AUTS2: variants seen among roughly 807,000 people sequenced by gnomAD.
AUTS2 encodes the protein activator of transcription and developmental regulator AUTS2, also known as autism susceptibility gene 2 protein.
Under a neutral mutation model 112.4 loss-of-function variants are expected in AUTS2, and 17 were observed. That is an observed-to-expected ratio of 0.15 (90% CI 0.10 to 0.23). The LOEUF is 0.23. Among genes scored for constraint, AUTS2 ranks in the 10% least tolerant of loss-of-function variants. The pLI, the probability that AUTS2 is intolerant of heterozygous loss-of-function variation, is 1.00. For missense variants in AUTS2, 1,510 were observed against 1,701.6 expected (o/e 0.89, Z 1.98); for synonymous variants, 751 against 702.7 (o/e 1.07, Z -1.09).
chr7:69,983,391 T>G (rs952753540), intron 2 of AUTS2, among the ~76,000 whole-genome samples: 2 of 152,120 alleles, frequency 1.3e-5, no homozygotes, highest in Non-Finnish European at 2.9e-5. Context: ...AATGTATATA[T>G]GTAGCTCTTT....
rs1275536794 is a variant in AUTS2, at chr7:70,709,292, C to G, written c.742+10672C>G. ...GGGAAGCCCCATGCCCAAGCCTGAG[C>G]AAGACTATTTGTAAAGTTGAGCAGA... On this transcript the variant is annotated intron_variant, in intron 6 of 18. Transcript: ENST00000342771. 2.6e-5 allele frequency among the ~76,000 whole-genome samples: 4 copies of G among 152,280 alleles called. No homozygotes were observed. The East Asian group carries it at 7.7e-4, about 29-fold the overall frequency.
chr7:69,631,113 G>A (rs1174307109), intron 1 of AUTS2, among the ~76,000 whole-genome samples: 2 of 152,074 alleles, frequency 1.3e-5, no homozygotes, highest in East Asian at 1.9e-4. Flanking sequence ...TTAACTTTGG[G>A]TTGAGTGTTA....
At chr7:70,543,768 T>C (rs1337685189) in intron 5 of AUTS2, among the ~76,000 whole-genome samples, 1 of 152,126 alleles carries the variant, frequency 6.6e-6, no homozygotes, top group Non-Finnish European at 1.5e-5. Context: ...GAATTAAAAA[T>C]AGGCAAAGGT....
chr7:70,703,172 C>T (rs1447158137), intron 6 of AUTS2, among the ~76,000 whole-genome samples: 4 of 152,040 alleles, frequency 2.6e-5, no homozygotes, highest in African/African-American at 9.7e-5. Context: ...GTTATATTAC[C>T]ATCAAGGTCA....
At chr7:70,358,901 T>A (rs1792129502) in intron 4 of AUTS2, among the ~76,000 whole-genome samples, 1 of 152,252 alleles carries the variant, frequency 6.6e-6, no homozygotes, top group African/African-American at 2.4e-5. Flanking sequence ...GCTAAATGGA[T>A]GAGCTAGTTA....
intron 2 of AUTS2, among the ~76,000 whole-genome samples, chr7:70,082,192 G>A (rs1584691932): frequency 1.3e-5 from 2 of 152,182 alleles, no homozygotes; most frequent in Non-Finnish European, 2.9e-5. Flanking sequence ...GAAATAAAAT[G>A]ACTTTTCAAT....
At chr7:70,423,777 G>C (rs996830235) in intron 4 of AUTS2, among the ~76,000 whole-genome samples, 1 of 152,076 alleles carries the variant, frequency 6.6e-6, no homozygotes, top group Non-Finnish European at 1.5e-5. Flanking sequence ...GAGAGGGAAT[G>C]ATGGTTTCTG....
intron 2 of AUTS2, among the ~76,000 whole-genome samples, chr7:69,961,456 A>T (rs1383329927): frequency 6.6e-6 from 1 of 152,164 alleles, no homozygotes; most frequent in Admixed American, 6.6e-5. Flanking sequence ...TATTCTTAGG[A>T]ACCTTTTAGG....
intron 5 of AUTS2, among the ~76,000 whole-genome samples, chr7:70,560,447 T>A (rs992851008): frequency 6.6e-6 from 1 of 152,206 alleles, no homozygotes; most frequent in African/African-American, 2.4e-5. Context: ...ATCAATTGAA[T>A]GAATGAAGGA....
intron 4 of AUTS2, among the ~76,000 whole-genome samples, chr7:70,410,282 C>T (rs1794715502): frequency 6.6e-6 from 1 of 152,162 alleles, no homozygotes; most frequent in Admixed American, 6.6e-5. Context: ...TGCTCTACCT[C>T]TTCCCCATGT....
intron 4 of AUTS2, 88 bp downstream of exon 4, chr7:70,134,659 T>A: frequency 8.3e-7 from 1 of 1,207,050 alleles, no homozygotes. Flanking sequence ...TGAAAAAAAA[T>A]CTGAGAATTT....
chr7:69,746,706 G>A (rs992048915), intron 1 of AUTS2, among the ~76,000 whole-genome samples: 1 of 152,136 alleles, frequency 6.6e-6, no homozygotes, highest in Non-Finnish European at 1.5e-5. Flanking sequence ...GGTAGCAGAT[G>A]ATGGAGAGGT....
chr7:70,337,871 T>C (rs1791067290), intron 4 of AUTS2, among the ~76,000 whole-genome samples: 2 of 152,204 alleles, frequency 1.3e-5, no homozygotes, highest in Non-Finnish European at 2.9e-5. Context: ...TTTACTGTTG[T>C]TGGAAGCTAT....
chr7:69,898,108 C>T (rs936884738), intron 1 of AUTS2, among the ~76,000 whole-genome samples: 2 of 151,910 alleles, frequency 1.3e-5, no homozygotes, highest in East Asian at 3.9e-4. Flanking sequence ...GTAATGGATA[C>T]CCCATTTACC....
rs538552866 is a variant in AUTS2, at chr7:70,161,041, A to G, written c.660+26470A>G. Reference sequence around the variant, plus strand: ...GCTGAAACTAATCCCATGGAGTTCTATTTCCGTGGGAATTAGGCAGTTATT... The same window carrying G: ...GCTGAAACTAATCCCATGGAGTTCTGTTTCCGTGGGAATTAGGCAGTTATT... On this transcript the variant is annotated intron_variant, in intron 4 of 18. Transcript: ENST00000342771. 1.1e-4 allele frequency among the ~76,000 whole-genome samples: 16 copies of G among 152,290 alleles called. 2 individuals carry two copies. The East Asian group carries it at 1.2e-3, about 11-fold the overall frequency.
At chr7:70,112,522 TA>T (rs1805139218) in intron 2 of AUTS2, among the ~76,000 whole-genome samples, 1 of 152,026 alleles carries the variant, frequency 6.6e-6, no homozygotes, top group Non-Finnish European at 1.5e-5. Context: ...GTTCCTTGAT[TA>T]GTAGAATGCT....
intron 1 of AUTS2, among the ~76,000 whole-genome samples, chr7:69,635,193 G>A (rs181704565): frequency 5.9e-5 from 9 of 152,214 alleles, no homozygotes; most frequent in Admixed American, 2.6e-4. Context: ...ATTGGAGTTT[G>A]CTGTGTGTTT....
intron 6 of AUTS2, among the ~76,000 whole-genome samples, chr7:70,752,558 A>G (rs1212177507): frequency 6.6e-6 from 1 of 152,224 alleles, no homozygotes; most frequent in East Asian, 1.9e-4. Flanking sequence ...ACAGAAAACA[A>G]AAACGAAAGA....
At chr7:69,810,512 GT>G (rs970750254) in intron 1 of AUTS2, among the ~76,000 whole-genome samples, 2 of 151,088 alleles carry the variant, frequency 1.3e-5, no homozygotes, top group Admixed American at 1.3e-4. Flanking sequence ...GGGAGCCTCA[GT>G]TTTTTTTTGA....
Sources: allele counts gnomAD v4.1 joint callset (sites outside exome capture counted in the v4.1 genomes callset), GRCh38; gene constraint gnomAD v4.1.1; transcripts MANE v1.5; gene names NCBI Gene and HGNC (gene_info 2026-07-23, HGNC 2026-07-21).